OR2L13: variants seen among roughly 807,000 people sequenced by gnomAD.
OR2L13 encodes olfactory receptor family 2 subfamily L member 13, also known as olfactory receptor 2L13.
A neutral mutation model predicts 15.3 loss-of-function variants in OR2L13; 14 were observed. The ratio of observed to expected loss-of-function variants is 0.91; its 90% CI spans 0.60 to 1.43. The LOEUF (loss-of-function observed/expected upper bound fraction) is 1.43, where lower values mean the gene tolerates loss of function less well. Among genes scored for constraint, OR2L13 ranks in the 40% most tolerant of loss-of-function variants. The pLI is 0.00. For missense variants in OR2L13, 367 were observed against 387.9 expected (o/e 0.95, Z 0.45); for synonymous variants, 152 against 142.9 (o/e 1.06, Z -0.45).
At chr1:248,036,321 C>A in the OR2L13 span, among the ~76,000 whole-genome samples, 2 of 151,988 alleles carry the variant, frequency 1.3e-5, no homozygotes, top group South Asian at 2.1e-4. Context: ...ATTATTGTAT[C>A]TTTAATTTCA....
the OR2L13 span, chr1:248,038,069 C>A: frequency 2.2e-6 from 1 of 459,278 alleles, no homozygotes; most frequent in Non-Finnish European, 3.8e-6. Context: ...TTTTGTTAAT[C>A]TCTTCCTTGC....
the OR2L13 span, chr1:248,046,855 T>A: frequency 6.6e-6 from 1 of 152,116 alleles, no homozygotes; most frequent in Admixed American, 6.5e-5. Flanking sequence ...AGGCAGTGAG[T>A]GTTTGGAAAT....
the OR2L13 span, chr1:248,023,959 A>G: frequency 6.6e-6 from 1 of 152,240 alleles, no homozygotes; most frequent in African/African-American, 2.4e-5. Flanking sequence ...AAATATAATT[A>G]AAGTGCATAA....
chr1:248,038,422 T>C, the OR2L13 span: 1 of 1,613,800 alleles, frequency 6.2e-7, no homozygotes, highest in South Asian at 1.1e-5. Flanking sequence ...TTTTTGGACA[T>C]CCATCTCCAC....
chr1:247,991,124 C>T, the OR2L13 span: 1 of 1,606,314 alleles, frequency 6.2e-7, no homozygotes, highest in Non-Finnish European at 8.5e-7. Flanking sequence ...ATGCTCAACC[C>T]CATCATCTAC....
the OR2L13 span, among the ~76,000 whole-genome samples, chr1:248,074,655 C>A: frequency 6.6e-6 from 1 of 152,016 alleles, no homozygotes; most frequent in Non-Finnish European, 1.5e-5. Context: ...TGCATGGTAA[C>A]AAAAGACACT....
the OR2L13 span, chr1:248,022,033 T>G: frequency 1.2e-6 from 2 of 1,613,990 alleles, no homozygotes; most frequent in Non-Finnish European, 1.7e-6. Flanking sequence ...CTCTTCATTC[T>G]CTTTGTTCTC....
At chr1:247,976,403 A>G in the OR2L13 span, among the ~76,000 whole-genome samples, 76 of 152,330 alleles carry the variant, frequency 5.0e-4, no homozygotes, top group East Asian at 0.014. Flanking sequence ...CACTATTTTT[A>G]TACCTGCTTA....
the OR2L13 span, among the ~76,000 whole-genome samples, chr1:248,089,111 C>G: frequency 2.0e-5 from 3 of 152,094 alleles, no homozygotes; most frequent in Non-Finnish European, 2.9e-5. Context: ...TGGATACAAA[C>G]TTGGAGGATC....
the OR2L13 span, among the ~76,000 whole-genome samples, chr1:247,947,515 G>T: frequency 6.6e-6 from 1 of 152,172 alleles, no homozygotes; most frequent in Non-Finnish European, 1.5e-5. Context: ...CTACCTAGAA[G>T]TCTGTCAGAA....
the OR2L13 span, among the ~76,000 whole-genome samples, chr1:247,981,879 G>C: frequency 6.6e-6 from 1 of 150,956 alleles, no homozygotes; most frequent in African/African-American, 2.4e-5. Context: ...GCAGTGGTGT[G>C]ATCTCAGCTC....
At chr1:248,088,671 GC>G in the OR2L13 span, among the ~76,000 whole-genome samples, 1 of 152,134 alleles carries the variant, frequency 6.6e-6, no homozygotes, top group South Asian at 2.1e-4. Flanking sequence ...CAAGATAAGG[GC>G]AGGGTAGCCT....
At chr1:248,028,769 CTGG>C in the OR2L13 span, among the ~76,000 whole-genome samples, 1 of 152,164 alleles carries the variant, frequency 6.6e-6, no homozygotes, top group Non-Finnish European at 1.5e-5. Context: ...TGATGTGACC[CTGG>C]TGGGTAGTTT....
chr1:248,010,713 T>G, the OR2L13 span, among the ~76,000 whole-genome samples: 1 of 151,496 alleles, frequency 6.6e-6, no homozygotes, highest in African/African-American at 2.4e-5. Context: ...CTTTGTTGGT[T>G]TAAAGTCTGT....
At chr1:248,068,381 C>A in the OR2L13 span, among the ~76,000 whole-genome samples, 2 of 152,074 alleles carry the variant, frequency 1.3e-5, no homozygotes, top group Non-Finnish European at 2.9e-5. Context: ...GGTACCCAGG[C>A]AAACAGGGTC....
the OR2L13 span, chr1:248,021,927 G>A: frequency 6.3e-7 from 1 of 1,588,702 alleles, no homozygotes; most frequent in East Asian, 2.2e-5. Context: ...CTCCCTTCAG[G>A]AAGGATCGTA....
chr1:248,018,004 A>C, the OR2L13 span, among the ~76,000 whole-genome samples: 1 of 152,034 alleles, frequency 6.6e-6, no homozygotes, highest in Non-Finnish European at 1.5e-5. Flanking sequence ...ATATAAAAAA[A>C]ATTAGCCTGG....
chr1:248,066,607 T>G, the OR2L13 span, among the ~76,000 whole-genome samples: 1 of 152,236 alleles, frequency 6.6e-6, no homozygotes, highest in East Asian at 1.9e-4. Flanking sequence ...TCAGCTATTT[T>G]GTCTCACTGC....
At chr1:247,996,677 CT>C in the OR2L13 span, among the ~76,000 whole-genome samples, 1 of 151,872 alleles carries the variant, frequency 6.6e-6, no homozygotes. Context: ...AAACATCTTT[CT>C]TTTTTTTACA....
Sources: allele counts gnomAD v4.1 joint callset (sites outside exome capture counted in the v4.1 genomes callset), GRCh38; gene constraint gnomAD v4.1.1; transcripts MANE v1.5; gene names NCBI Gene and HGNC (gene_info 2026-07-23, HGNC 2026-07-21).